Variants in CNBD1 observed in about 807,000 individuals in gnomAD.
CNBD1 encodes cyclic nucleotide-binding domain-containing protein 1.
Under a neutral mutation model 54.4 loss-of-function variants are expected in CNBD1, and 71 were observed. That is an observed-to-expected ratio of 1.30 (90% CI 1.08 to 1.59). The LOEUF (loss-of-function observed/expected upper bound fraction) is 1.59. Among genes scored for constraint, CNBD1 ranks in the 40% most tolerant of loss-of-function variants. The probability of loss-of-function intolerance (pLI) is 0.00; values close to 1 mark genes in which losing one functional copy is unlikely to be tolerated. For synonymous variants in CNBD1, 182 were observed against 170.7 expected, an observed-to-expected ratio of 1.07 and a Z score of -0.51; for missense variants, 659 against 518.0, an observed-to-expected ratio of 1.27 and a Z score of -2.64.
intron 4 of CNBD1, among the ~76,000 whole-genome samples, chr8:87,144,784 C>A (rs563102585): frequency 6.8e-6 from 1 of 146,206 alleles, no homozygotes; most frequent in Non-Finnish European, 1.5e-5. Context: ...TGCGCCATTG[C>A]ACTCCAGCCT....
At chr8:87,116,195 C>CTT (rs71556428) in intron 4 of CNBD1, among the ~76,000 whole-genome samples, 1,931 of 74,538 alleles carry the variant, frequency 0.026, 74 homozygotes, top group African/African-American at 0.055. Flanking sequence ...ATTCTCATGT[C>CTT]TTTTTTTTTT....
chr8:87,227,887 G>A (rs569912601), intron 5 of CNBD1, among the ~76,000 whole-genome samples: 165 of 147,806 alleles, frequency 1.1e-3, no homozygotes, highest in Non-Finnish European at 1.9e-3. Flanking sequence ...CCAGTCAGAC[G>A]TAGATTTGGT....
At chr8:87,055,883 TTTCCTTCCTTCCTTCCTTCCTTCCTTCC>T (rs71277912) in intron 4 of CNBD1, among the ~76,000 whole-genome samples, 25 of 92,962 alleles carry the variant, frequency 2.7e-4, no homozygotes, top group East Asian at 3.6e-4. Flanking sequence ...CTGCTTGACC[TTTCCTTCCTTCCTTCCTTCCTTCCTTCC>T]TTCCTTCCTT....
intron 10 of CNBD1, among the ~76,000 whole-genome samples, chr8:87,373,479 C>A (rs1411779217): frequency 6.6e-6 from 1 of 151,926 alleles, no homozygotes; most frequent in South Asian, 2.1e-4. Flanking sequence ...AGTTTTAATT[C>A]TTAACATTCA....
chr8:86,887,972 C>A (rs1808706381), intron 2 of CNBD1, among the ~76,000 whole-genome samples: 1 of 152,112 alleles, frequency 6.6e-6, no homozygotes, highest in Non-Finnish European at 1.5e-5. Flanking sequence ...ATACTGGAAC[C>A]AGAGAACTAG....
At chr8:87,233,466 A>AAT (rs1312773729) in intron 5 of CNBD1, among the ~76,000 whole-genome samples, 2 of 152,176 alleles carry the variant, frequency 1.3e-5, no homozygotes, top group Admixed American at 6.5e-5. Context: ...TATGTTTAAA[A>AAT]ATATATATAC....
At chr8:87,309,355 T>A (rs1809218957) in intron 8 of CNBD1, among the ~76,000 whole-genome samples, 2 of 152,154 alleles carry the variant, frequency 1.3e-5, no homozygotes, top group Non-Finnish European at 2.9e-5. Context: ...CAGTTATACC[T>A]GTCATTTCTT....
At position 87,206,041 on chromosome 8, in the gene CNBD1, G is replaced by A. The variant is rs777833125; in HGVS notation, c.480G>A (p.Leu160=). 1 of 1,599,012 alleles carries A rather than the reference G, an allele frequency of 6.3e-7. No individual in the cohort carries two copies. The highest frequency in any genetic ancestry group is 1.1e-5 in the South Asian group (1 of 89,292). ...PYEHKTVWKF[L]KTIPDLTFQL... is the part of the protein sequence containing the mutation. ...AACACAAAACTGTGTGGAAGTTCCTGAAAACAATTCCAGATTTAACCTTTC... is the reference window on the plus strand; with the variant it reads ...AACACAAAACTGTGTGGAAGTTCCTAAAAACAATTCCAGATTTAACCTTTC... Residue 160 remains leucine, a synonymous_variant, in exon 5 of 11, where the codon CTG becomes CTA. Coordinates refer to ENST00000518476, the MANE Select transcript of CNBD1 (RefSeq NM_173538.3).
At chr8:87,353,363 T>A (rs568263793) in intron 9 of CNBD1, among the ~76,000 whole-genome samples, 2 of 152,278 alleles carry the variant, frequency 1.3e-5, no homozygotes, top group East Asian at 1.9e-4. Flanking sequence ...AAATGTGGAA[T>A]TAGTTCAATA....
At chr8:87,232,695 C>T (rs185185540) in intron 5 of CNBD1, among the ~76,000 whole-genome samples, 38 of 152,112 alleles carry the variant, frequency 2.5e-4, no homozygotes, top group Admixed American at 1.0e-3. Flanking sequence ...TTGTAGCTTG[C>T]GATATAATTT....
intron 2 of CNBD1, among the ~76,000 whole-genome samples, chr8:87,419,242 A>T (rs1462788603): frequency 1.3e-5 from 2 of 151,944 alleles, no homozygotes; most frequent in East Asian, 3.9e-4. Context: ...ATAGGCAAAC[A>T]TGTCTAGAAT....
intron 10 of CNBD1, among the ~76,000 whole-genome samples, chr8:87,370,373 T>C (rs1810752984): frequency 6.6e-6 from 1 of 152,044 alleles, no homozygotes; most frequent in African/African-American, 2.4e-5. Context: ...ATTTCTCCAC[T>C]ACTCTCCAGC....
At chr8:87,051,338 A>G (rs2949552) in intron 4 of CNBD1, among the ~76,000 whole-genome samples, 5,006 of 152,208 alleles carry the variant, frequency 0.033, 111 homozygotes, top group Middle Eastern at 0.071. Flanking sequence ...GGGCTCCTGG[A>G]TAGTGAGGGC....
At chr8:87,395,845 C>T (rs551838545) in intron 2 of CNBD1, among the ~76,000 whole-genome samples, 3 of 151,930 alleles carry the variant, frequency 2.0e-5, no homozygotes, top group East Asian at 1.9e-4. Context: ...TTCATACTGT[C>T]AGCGTTATAG....
At chr8:86,887,755 G>T (rs752586724) in intron 2 of CNBD1, 144 bp downstream of exon 2, 1 of 574,474 alleles carries the variant, frequency 1.7e-6, no homozygotes, top group Non-Finnish European at 3.1e-6. Flanking sequence ...AAAACCTGGG[G>T]GTTATTTCTT....
At chr8:87,345,420 C>G (rs184055907) in intron 8 of CNBD1, among the ~76,000 whole-genome samples, 1 of 152,192 alleles carries the variant, frequency 6.6e-6, no homozygotes, top group Non-Finnish European at 1.5e-5. Flanking sequence ...GGTGCTCTAC[C>G]CCTTCTGCAT....
chr8:87,183,312 T>C (rs981389445), intron 4 of CNBD1, among the ~76,000 whole-genome samples: 8 of 152,096 alleles, frequency 5.3e-5, no homozygotes, highest in Admixed American at 5.2e-4. Context: ...GGCTTGTAGT[T>C]TGAAATCAGG....
intron 4 of CNBD1, among the ~76,000 whole-genome samples, chr8:87,185,222 G>T (rs1034352741): frequency 1.4e-4 from 21 of 152,232 alleles, no homozygotes; most frequent in African/African-American, 4.6e-4. Context: ...ATATCAATGA[G>T]ATTAAATTCA....
Position 86,887,622 on chromosome 8 carries a change from C to G in CNBD1, c.158+11C>G. ...TAGAGGACAACACAGGTAAGCTATT[C>G]ATGCATTTCTTTTTCTGTCATTCAA... On this transcript the variant is annotated intron_variant, in intron 2 of 10. Coordinates refer to ENST00000518476, the MANE Select transcript of CNBD1 (RefSeq NM_173538.3). 6.4e-7 allele frequency: 1 copy of G among 1,552,822 alleles called. No homozygotes were observed. Among genetic ancestry groups the G allele is most frequent in the Non-Finnish European group, 8.8e-7 (1 of 1,141,402 alleles).
Sources: allele counts gnomAD v4.1 joint callset (sites outside exome capture counted in the v4.1 genomes callset), GRCh38; gene constraint gnomAD v4.1.1; transcripts MANE v1.5; gene names NCBI Gene and HGNC (gene_info 2026-07-23, HGNC 2026-07-21).